The following NUDT12 variants were observed in gnomAD, a reference collection of about 807,000 sequenced individuals.
The protein encoded by NUDT12 is NAD-capped RNA hydrolase NUDT12.
In NUDT12, 42 loss-of-function variants were observed where a neutral mutation model predicts 45.7. That is an observed-to-expected ratio of 0.92 (90% CI 0.72 to 1.19). The LOEUF is 1.19. Ranked by LOEUF, NUDT12 falls within the 50% of genes most tolerant of loss-of-function variation. NUDT12 has a pLI of 0.00. For synonymous variants in NUDT12, 206 were observed against 179.7 expected, an observed-to-expected ratio of 1.15 and a Z score of -1.17; for missense variants, 590 against 533.1, an observed-to-expected ratio of 1.11 and a Z score of -1.05.
chr5:103,559,830 A>G (rs901679189), intron 2 of NUDT12: 14 of 542,808 alleles, frequency 2.6e-5, no homozygotes, highest in Non-Finnish European at 3.9e-5. Flanking sequence ...ACTCCTCATA[A>G]ATTTGCTTTG....
At position 103,556,833 on chromosome 5, in the gene NUDT12, T is replaced by A. The variant is rs1043123010; in HGVS notation, c.797-735A>T. Among the ~76,000 whole-genome samples the A allele has an allele frequency of 2.0e-5, 3 of 151,982 alleles. No individual in the cohort carries two copies. In the East Asian group the frequency reaches 5.8e-4, roughly 29 times the overall value. ...CTTGACAAAGTTACCCTCCCTAAAA[T>A]AGATTATTTGGTCTACAGATTTTTG... On this transcript the variant is annotated intron_variant, in intron 3 of 6. Coordinates refer to ENST00000230792, the MANE Select transcript of NUDT12 (RefSeq NM_031438.4).
intron 4 of NUDT12, 21 bp downstream of exon 4, chr5:103,555,910 G>C: frequency 2.7e-6 from 4 of 1,463,846 alleles, no homozygotes; most frequent in Non-Finnish European, 3.6e-6. Flanking sequence ...AGGTGGCTGA[G>C]ATATAAAATA....
rs905019253 is a variant in NUDT12, at chr5:103,549,689, A to G, written c.*1172T>C. 8 of 152,078 alleles carry G rather than the reference A, an allele frequency of 5.3e-5. No individual in the cohort carries two copies. The highest frequency in any genetic ancestry group is 2.6e-4 in the Admixed American group (4 of 15,256). 9.4% of individuals were successfully genotyped at this position (152,078 alleles called of 1,614,324 possible). ...AAGGTCTCTTGTAGCTCTAGCATAC[A>G]TTAGTAAAGATGCAAATTATACAAA... On this transcript the variant is annotated 3_prime_UTR_variant, in exon 7 of 7. Coordinates refer to ENST00000230792, the MANE Select transcript of NUDT12 (RefSeq NM_031438.4).
chr5:103,554,781 G>T lies in NUDT12; in HGVS notation c.1037C>A (p.Pro346His). The change falls in exon 5 of 7, where the codon CCC becomes CAC. Residue 346 changes from proline (P) to histidine (H), a missense_variant. Physicochemically the swap from Pro to His is moderately conservative, Grantham distance 77. Coordinates refer to ENST00000230792, the MANE Select transcript of NUDT12 (RefSeq NM_031438.4). ...KCLLGRQKRF[P>H]PGMFTCLAGF... ...AGCAAGGCAAGTAAACATGCCTGGG[G>T]GAAATCTTTTCTGCCTGCCTAAAAG... is the stretch of plus-strand genomic sequence containing the variant. 1 of 1,555,628 alleles carries T rather than the reference G, an allele frequency of 6.4e-7. No homozygotes were observed. The highest frequency in any genetic ancestry group is 8.7e-7 in the Non-Finnish European group (1 of 1,145,912).
At position 103,549,779 on chromosome 5, in the gene NUDT12, T is replaced by A. The variant is rs1435973631; in HGVS notation, c.*1082A>T. 1 of 152,158 alleles carries A rather than the reference T, an allele frequency of 6.6e-6. No homozygotes were observed. Among genetic ancestry groups the A allele is most frequent in the African/African-American group, 2.4e-5 (1 of 41,456 alleles). The allele number at this position is 152,158 out of a possible 1,614,324, so 9.4% of individuals were successfully genotyped here. A position where few individuals can be genotyped will look rare whatever the true frequency, so the allele number is the denominator to read the frequency against. On this transcript the variant is annotated 3_prime_UTR_variant, in exon 7 of 7. Transcript: ENST00000230792. Reference sequence around the variant, plus strand: ...TCAAAATAGCCTTTCAAAATGTGACTTTCTATGTTGCAAAATTGTGAACTA... The same window carrying A: ...TCAAAATAGCCTTTCAAAATGTGACATTCTATGTTGCAAAATTGTGAACTA...
At position 103,550,677 on chromosome 5, in the gene NUDT12, A is replaced by G; in HGVS notation, c.*184T>C. On this transcript the variant is annotated 3_prime_UTR_variant, in exon 7 of 7. Coordinates refer to ENST00000230792, the MANE Select transcript of NUDT12 (RefSeq NM_031438.4). ...CAAATTTAACATAATCTGAGGCAAT[A>G]TTGTAAAAATGTGTAAAAATATGAA... The G allele has an allele frequency of 2.2e-6, 1 of 445,148 alleles. No homozygotes were observed. The highest frequency in any genetic ancestry group is 4.0e-6 in the Non-Finnish European group (1 of 249,202). The allele number at this position is 445,148 out of a possible 1,614,324, so 27.6% of individuals were successfully genotyped here. A position where few individuals can be genotyped will look rare whatever the true frequency, so the allele number is the denominator to read the frequency against.
At chr5:103,562,545 G>A (rs547835861) in intron 1 of NUDT12, among the ~76,000 whole-genome samples, 158 bp downstream of exon 1, 35 of 151,964 alleles carry the variant, frequency 2.3e-4, no homozygotes, top group Non-Finnish European at 1.6e-4. Context: ...AAATGCGTCC[G>A]TGGCTCCCGC....
intron 5 of NUDT12, 58 bp downstream of exon 5, chr5:103,554,682 C>T (rs1748757114): frequency 1.7e-6 from 1 of 579,460 alleles, no homozygotes; most frequent in Non-Finnish European, 2.7e-6. Flanking sequence ...TCAAATGTTA[C>T]CTAAACTTTG....
intron 1 of NUDT12, 92 bp from the exon 2 acceptor site, chr5:103,560,346 A>C: frequency 2.7e-6 from 2 of 751,384 alleles, no homozygotes; most frequent in South Asian, 3.4e-5. Flanking sequence ...AATAATAGCA[A>C]TGGTTTCCAA....
rs563110210 is a variant in NUDT12 at position 103,554,409 on chromosome 5, G to C, written c.1078+331C>G. On this transcript the variant is annotated intron_variant, in intron 5 of 6. Coordinates refer to ENST00000230792, the MANE Select transcript of NUDT12 (RefSeq NM_031438.4). ...TAACTAATGTATCTGGGGCAATCAA[G>C]CAAGGCCTCTTTGAAAAGGTAACAG... 146 of 160,064 alleles carry C rather than the reference G, an allele frequency of 9.1e-4. 1 individual carries two copies. Among genetic ancestry groups the C allele is most frequent in the African/African-American group, 2.9e-3 (123 of 41,730 alleles). 9.9% of individuals were successfully genotyped at this position (160,064 alleles called of 1,614,324 possible).
chr5:103,554,309 G>A (rs1748744142), intron 5 of NUDT12, among the ~76,000 whole-genome samples: 1 of 151,970 alleles, frequency 6.6e-6, no homozygotes, highest in Non-Finnish European at 1.5e-5. Context: ...CTTACATACG[G>A]TATTAGGTGA....
chr5:103,560,011 C>CCCTTTCAGGTGATATTTAAG, intron 2 of NUDT12, 32 bp downstream of exon 2: 1 of 1,465,962 alleles, frequency 6.8e-7, no homozygotes, highest in South Asian at 1.2e-5. Context: ...AAACCACAAA[C>CCCTTTCAGGTGATATTTAAG]CCTTTCAGGT....
At chr5:103,552,562 T>C (rs985914001) in intron 5 of NUDT12, 146 bp from the exon 6 acceptor site, 10 of 602,388 alleles carry the variant, frequency 1.7e-5, no homozygotes, top group South Asian at 6.9e-5. Flanking sequence ...TAGACTGTAA[T>C]TGAAGAAAAC....
At chr5:103,551,079 T>C (rs1580690216) in intron 6 of NUDT12, 108 bp from the exon 7 acceptor site, 1 of 754,432 alleles carries the variant, frequency 1.3e-6, no homozygotes, top group East Asian at 2.7e-5. Flanking sequence ...TTACAGTGAA[T>C]AACAACAGTA....
rs748446449 is a variant in NUDT12, at chr5:103,550,599, A to C, written c.*262T>G. On this transcript the variant is annotated 3_prime_UTR_variant, in exon 7 of 7. Coordinates refer to ENST00000230792, the MANE Select transcript of NUDT12 (RefSeq NM_031438.4). ...TAGAAAAATGGTTTTGTGAGATAAAACTGTGAAGGAAGAAAAGAAACCAAG... is the reference window on the plus strand; with the variant it reads ...TAGAAAAATGGTTTTGTGAGATAAACCTGTGAAGGAAGAAAAGAAACCAAG... The C allele has an allele frequency of 7.6e-5, 21 of 275,952 alleles. 1 individual carries two copies. Among genetic ancestry groups the C allele is most frequent in the Non-Finnish European group, 1.4e-4 (20 of 144,746 alleles). 17.1% of individuals were successfully genotyped at this position (275,952 alleles called of 1,614,324 possible).
At chr5:103,555,631 A>C (rs2112450454) in intron 4 of NUDT12, among the ~76,000 whole-genome samples, 1 of 152,166 alleles carries the variant, frequency 6.6e-6, no homozygotes. Context: ...TCAAACAGGC[A>C]ATAAATTGTA....
At chr5:103,552,709 G>A (rs985881447) in intron 5 of NUDT12, among the ~76,000 whole-genome samples, 2 of 151,922 alleles carry the variant, frequency 1.3e-5, no homozygotes, top group South Asian at 2.1e-4. Context: ...ACCTAATACT[G>A]GTTAAACACT....
chr5:103,556,633 CA>C (rs1231069352), intron 3 of NUDT12, among the ~76,000 whole-genome samples: 4 of 152,032 alleles, frequency 2.6e-5, no homozygotes, highest in Non-Finnish European at 5.9e-5. Context: ...AAACACACTG[CA>C]TTTACTACAT....
At position 103,548,907 on chromosome 5, in the gene NUDT12, C is replaced by A. The variant is rs1385983302; in HGVS notation, c.*1954G>T. On this transcript the variant is annotated 3_prime_UTR_variant, in exon 7 of 7. Coordinates refer to ENST00000230792, the MANE Select transcript of NUDT12 (RefSeq NM_031438.4). ...ACATTCATTTCCAGTAGAATACATT[C>A]ACGGCACTATCACATCTACTATTCT... The A allele has an allele frequency of 6.6e-6, 1 of 152,080 alleles. No individual in the cohort carries two copies. Among genetic ancestry groups the A allele is most frequent in the African/African-American group, 2.4e-5 (1 of 41,436 alleles). 9.4% of individuals were successfully genotyped at this position (152,080 alleles called of 1,614,324 possible). A position where few individuals can be genotyped will look rare whatever the true frequency, so the allele number is the denominator to read the frequency against.
Sources: allele counts gnomAD v4.1 joint callset (sites outside exome capture counted in the v4.1 genomes callset), GRCh38; gene constraint gnomAD v4.1.1; transcripts MANE v1.5; gene names NCBI Gene and HGNC (gene_info 2026-07-23, HGNC 2026-07-21).